KCNK10: variants seen among roughly 807,000 people sequenced by gnomAD.
The protein encoded by KCNK10 is potassium two pore domain channel subfamily K member 10.
KCNK10 carries 25 observed loss-of-function variants against 47.7 expected under a neutral mutation model. The ratio of observed to expected loss-of-function variants is 0.52; its 90% CI spans 0.38 to 0.73. The LOEUF (loss-of-function observed/expected upper bound fraction) is 0.73, where lower values mean the gene tolerates loss of function less well. Among genes scored for constraint, KCNK10 ranks in the 30% least tolerant of loss-of-function variants. KCNK10 has a pLI of 0.00. For synonymous variants in KCNK10, 303 were observed against 285.6 expected (o/e 1.06, Z -0.61); for missense variants, 563 against 714.5 (o/e 0.79, Z 2.42).
chr14:88,258,531 C>T (rs140784077), intron 2 of KCNK10, among the ~76,000 whole-genome samples: 63 of 152,284 alleles, frequency 4.1e-4, no homozygotes, highest in African/African-American at 1.4e-3. Flanking sequence ...CATCGTGATC[C>T]GCTTGACTCG....
At chr14:88,321,443 G>C (rs79445622) in intron 1 of KCNK10, among the ~76,000 whole-genome samples, 3,388 of 152,276 alleles carry the variant, frequency 0.022, 60 homozygotes, top group Non-Finnish European at 0.034. Context: ...CTCCAAGTCA[G>C]AGCTTTTATC....
intron 4 of KCNK10, among the ~76,000 whole-genome samples, chr14:88,202,289 T>C (rs1885126270): frequency 6.6e-6 from 1 of 152,248 alleles, no homozygotes; most frequent in Non-Finnish European, 1.5e-5. Context: ...AGAGCTAATG[T>C]GATCACAGGG....
chr14:88,326,485 G>C (rs764165862), upstream of KCNK10: 1 of 1,592,510 alleles, frequency 6.3e-7, no homozygotes. Flanking sequence ...AAGCGGTTCT[G>C]TCTCCCTCTG....
intron 3 of KCNK10, among the ~76,000 whole-genome samples, chr14:88,231,035 GA>G (rs1297046696): frequency 6.6e-6 from 1 of 152,100 alleles, no homozygotes; most frequent in Non-Finnish European, 1.5e-5. Flanking sequence ...AGCACTTTGG[GA>G]GGCCAAGGTG....
At chr14:88,272,574 T>C (rs975483447) in intron 1 of KCNK10, among the ~76,000 whole-genome samples, 2 of 152,068 alleles carry the variant, frequency 1.3e-5, no homozygotes, top group East Asian at 3.9e-4. Context: ...CTAGAGGGTG[T>C]GAAGATGGCT....
intron 1 of KCNK10, among the ~76,000 whole-genome samples, chr14:88,274,381 C>A (rs1364182275): frequency 6.6e-6 from 1 of 151,378 alleles, no homozygotes; most frequent in Non-Finnish European, 1.5e-5. Flanking sequence ...GGCCAACATG[C>A]CAAAACCCTG....
intron 4 of KCNK10, among the ~76,000 whole-genome samples, chr14:88,224,951 C>G (rs1245886761): frequency 6.6e-6 from 1 of 152,124 alleles, no homozygotes; most frequent in African/African-American, 2.4e-5. Flanking sequence ...ACCGTAAATC[C>G]TCTCTTCCCA....
chr14:88,240,881 C>CAAA, intron 2 of KCNK10, 61 bp from the exon 3 acceptor site: 6 of 784,836 alleles, frequency 7.6e-6, no homozygotes, highest in Non-Finnish European at 7.9e-6. Context: ...TTTTTTTCTT[C>CAAA]AAAAAAAAAA....
intron 5 of KCNK10, among the ~76,000 whole-genome samples, chr14:88,191,310 G>A (rs1884740222): frequency 6.7e-6 from 1 of 149,494 alleles, no homozygotes; most frequent in East Asian, 2.0e-4. Context: ...CTCAGGTCAG[G>A]CTGCCACTTC....
intron 3 of KCNK10, among the ~76,000 whole-genome samples, chr14:88,232,293 G>A (rs1163977082): frequency 2.0e-5 from 3 of 152,100 alleles, no homozygotes; most frequent in Admixed American, 6.5e-5. Context: ...TTTTATGATC[G>A]CAAGGGAACA....
At chr14:88,301,607 G>A (rs1190012253) in intron 1 of KCNK10, among the ~76,000 whole-genome samples, 1 of 150,340 alleles carries the variant, frequency 6.7e-6, no homozygotes, top group Non-Finnish European at 1.5e-5. Flanking sequence ...TCAGAGGCGA[G>A]GAGAAGCCAG....
At chr14:88,281,511 A>T (rs1291256624) in intron 1 of KCNK10, among the ~76,000 whole-genome samples, 1 of 152,064 alleles carries the variant, frequency 6.6e-6, no homozygotes, top group Non-Finnish European at 1.5e-5. Flanking sequence ...TGAGTAAGAG[A>T]GAATTCTTCC....
At chr14:88,273,296 C>G (rs773978431) in intron 1 of KCNK10, among the ~76,000 whole-genome samples, 43 of 152,256 alleles carry the variant, frequency 2.8e-4, no homozygotes, top group Non-Finnish European at 2.1e-4. Context: ...GATCTTATCC[C>G]AGTCTCTGTC....
At position 88,185,376 on chromosome 14, in the gene KCNK10, A is replaced by G; in HGVS notation, c.*159T>C. On this transcript the variant is annotated 3_prime_UTR_variant, in exon 7 of 7. Coordinates refer to ENST00000319231, the MANE Select transcript of KCNK10 (RefSeq NM_138317.3). This position sits in a 1 kb window ranked among gnomAD's most constrained non-coding sequence, Gnocchi z 4.3. ...CTTGTTCTCTGATTCCTTTTGGCAGAGCAAGCTTTCAGTTGTTTATGGCAC... is the reference window on the plus strand; with the variant it reads ...CTTGTTCTCTGATTCCTTTTGGCAGGGCAAGCTTTCAGTTGTTTATGGCAC... 1 of 1,058,404 alleles carries G rather than the reference A, an allele frequency of 9.4e-7. No individual in the cohort carries two copies. Among genetic ancestry groups the G allele is most frequent in the Non-Finnish European group, 1.3e-6 (1 of 755,284 alleles). 65.6% of individuals were successfully genotyped at this position (1,058,404 alleles called of 1,614,324 possible). A position where few individuals can be genotyped will look rare whatever the true frequency, so the allele number is the denominator to read the frequency against.
In KCNK10 at chr14:88,313,119, A is replaced by C. The variant is rs141683809; in HGVS notation, c.52+9628T>G. Reference sequence around the variant, plus strand: ...GTAGCATGACTAGGTAACTTTGGGCAAGTTACTTAAGCTCTATAGGCCTCA... The same window carrying C: ...GTAGCATGACTAGGTAACTTTGGGCCAGTTACTTAAGCTCTATAGGCCTCA... On this transcript the variant is annotated intron_variant, in intron 1 of 6. Transcript: ENST00000319231. Among the ~76,000 whole-genome samples the C allele has an allele frequency of 4.3e-4, 66 of 152,336 alleles. 1 individual carries two copies. In the East Asian group the frequency reaches 9.8e-3, roughly 23 times the overall value.
intron 1 of KCNK10, among the ~76,000 whole-genome samples, chr14:88,266,058 G>A (rs1887244140): frequency 6.6e-6 from 1 of 152,122 alleles, no homozygotes; most frequent in Non-Finnish European, 1.5e-5. Flanking sequence ...CCCTTGTCCA[G>A]CACTCCCATT....
chr14:88,224,371 C>T (rs184842752), intron 4 of KCNK10, among the ~76,000 whole-genome samples: 8 of 152,324 alleles, frequency 5.3e-5, no homozygotes, highest in Admixed American at 5.2e-4. Context: ...CTCCATCTGA[C>T]TCCTCCATTT....
chr14:88,315,232 A>G (rs1888406984), intron 1 of KCNK10, among the ~76,000 whole-genome samples: 1 of 152,226 alleles, frequency 6.6e-6, no homozygotes, highest in African/African-American at 2.4e-5. Context: ...TTCCACCATG[A>G]GGGATAAATT....
chr14:88,215,184 C>T (rs777355773), intron 4 of KCNK10, among the ~76,000 whole-genome samples: 7 of 152,118 alleles, frequency 4.6e-5, no homozygotes, highest in Non-Finnish European at 1.0e-4. Flanking sequence ...AACAGATTAG[C>T]GACTCTATTA....
Sources: allele counts gnomAD v4.1 joint callset (sites outside exome capture counted in the v4.1 genomes callset), GRCh38; gene constraint gnomAD v4.1.1; non-coding constraint Gnocchi (gnomAD v3.1); transcripts MANE v1.5; gene names NCBI Gene and HGNC (gene_info 2026-07-23, HGNC 2026-07-21).